Variants in CCDC148 observed in about 807,000 individuals in gnomAD.
The protein encoded by CCDC148 is coiled-coil domain-containing protein 148.
Under a neutral mutation model 85.7 loss-of-function variants are expected in CCDC148, and 89 were observed. The observed-to-expected ratio is 1.04, with a 90% CI of 0.87 to 1.24. The LOEUF (loss-of-function observed/expected upper bound fraction) is 1.24, where lower values mean the gene tolerates loss of function less well. Among genes scored for constraint, CCDC148 ranks in the 50% most tolerant of loss-of-function variants. CCDC148 has a pLI of 0.00. For synonymous variants in CCDC148, 230 were observed against 213.9 expected, an observed-to-expected ratio of 1.08 and a Z score of -0.66; for missense variants, 692 against 671.7, an observed-to-expected ratio of 1.03 and a Z score of -0.33.
At chr2:158,376,208 T>C (rs1035943696) in intron 1 of CCDC148, among the ~76,000 whole-genome samples, 2 of 152,124 alleles carry the variant, frequency 1.3e-5, no homozygotes, top group Non-Finnish European at 2.9e-5. Flanking sequence ...ATTTCCTGTC[T>C]TAAAACTCTA....
intron 2 of CCDC148, among the ~76,000 whole-genome samples, chr2:158,353,147 A>G (rs1378534399): frequency 2.7e-5 from 4 of 147,372 alleles, no homozygotes; most frequent in South Asian, 2.2e-4. Context: ...GACCATCGAG[A>G]CTAGGAAGAA....
chr2:158,351,811 G>A (rs905115111), intron 2 of CCDC148, among the ~76,000 whole-genome samples: 5 of 151,768 alleles, frequency 3.3e-5, no homozygotes, highest in African/African-American at 4.8e-5. Flanking sequence ...AACCTCTGCA[G>A]ACTTAAATGT....
At chr2:158,394,134 A>ACCAG (rs1324072265) in intron 1 of CCDC148, among the ~76,000 whole-genome samples, 5 of 152,200 alleles carry the variant, frequency 3.3e-5, no homozygotes, top group Admixed American at 6.6e-5. Flanking sequence ...ACCACTGTCC[A>ACCAG]TCAGTTTTGA....
intron 7 of CCDC148, among the ~76,000 whole-genome samples, chr2:158,322,866 A>C: frequency 1.3e-5 from 2 of 152,264 alleles, no homozygotes; most frequent in East Asian, 3.9e-4. Context: ...AACATTATAA[A>C]ATTTAATATA....
intron 11 of CCDC148, 62 bp downstream of exon 11, chr2:158,220,533 A>G: frequency 9.0e-7 from 1 of 1,106,554 alleles, no homozygotes; most frequent in Non-Finnish European, 1.3e-6. Context: ...ATTTATTCTA[A>G]CACTTTACAA....
intron 13 of CCDC148, among the ~76,000 whole-genome samples, chr2:158,175,029 G>A (rs933511143): frequency 3.3e-5 from 5 of 151,996 alleles, no homozygotes; most frequent in African/African-American, 1.2e-4. Context: ...ATGCTTTTCA[G>A]CGCCTGAACC....
intron 1 of CCDC148, among the ~76,000 whole-genome samples, chr2:158,399,561 C>T (rs759535283): frequency 9.9e-5 from 15 of 151,976 alleles, no homozygotes; most frequent in African/African-American, 2.4e-4. Flanking sequence ...AAAAGGCATT[C>T]GACAAAATTC....
chr2:158,301,001 C>T lies in CCDC148; in HGVS notation c.1110+8432G>A, dbSNP rs113530732. 3.7e-3 allele frequency among the ~76,000 whole-genome samples: 565 copies of T among 152,212 alleles called. 3 individuals carry two copies. The highest frequency in any genetic ancestry group is 0.02 in the Middle Eastern group (6 of 294). The stretch of plus-strand genomic sequence containing the variant: ...TCCTGAGTAGCTAGAACTACATGCA[C>T]GCACCACTACTCCTGGCTGTTTTTT... On this transcript the variant is annotated intron_variant, in intron 9 of 13. Coordinates refer to ENST00000283233, the MANE Select transcript of CCDC148 (RefSeq NM_138803.4).
chr2:158,267,996 G>A (rs1689542768), intron 9 of CCDC148, among the ~76,000 whole-genome samples: 1 of 152,162 alleles, frequency 6.6e-6, no homozygotes, highest in Non-Finnish European at 1.5e-5. Context: ...ACATTCATTA[G>A]TTGTAGGACG....
rs531408133 is a variant in CCDC148, at chr2:158,306,559, T to A, written c.1110+2874A>T. ...TGGATGAAGCTGGAAACCATCATTC[T>A]CAGCAAACTATCACAAGAACAAAAA... On this transcript the variant is annotated intron_variant, in intron 9 of 13. Transcript: ENST00000283233. Among the ~76,000 whole-genome samples the A allele has an allele frequency of 5.9e-5, 9 of 151,920 alleles. No individual in the cohort carries two copies. The East Asian group carries it at 1.7e-3, about 30-fold the overall frequency.
chr2:158,456,537 C>T lies in CCDC148; in HGVS notation c.-98G>A, dbSNP rs1559159253. 13 of 1,452,822 alleles carry T rather than the reference C, an allele frequency of 8.9e-6. No individual in the cohort carries two copies. Among genetic ancestry groups the T allele is most frequent in the Non-Finnish European group, 1.2e-5 (13 of 1,076,208 alleles). 90.0% of individuals were successfully genotyped at this position (1,452,822 alleles called of 1,614,324 possible). A position where few individuals can be genotyped will look rare whatever the true frequency, so the allele number is the denominator to read the frequency against. On this transcript the variant is annotated 5_prime_UTR_variant, in exon 1 of 14. Coordinates refer to ENST00000283233, the MANE Select transcript of CCDC148 (RefSeq NM_138803.4). ...TCGCCGTCAGGGGTACATCTAAGGGCTCAGCTGTTCCTACCTTTGACGCCA... is the reference window on the plus strand; with the variant it reads ...TCGCCGTCAGGGGTACATCTAAGGGTTCAGCTGTTCCTACCTTTGACGCCA...
At chr2:158,427,053 G>A (rs74319129) in intron 1 of CCDC148, among the ~76,000 whole-genome samples, 11,353 of 152,084 alleles carry the variant, frequency 0.075, 570 homozygotes, top group Middle Eastern at 0.11. Flanking sequence ...AATGAATAAA[G>A]GCTTTTGAAA....
chr2:158,311,253 C>T (rs1191545036), intron 8 of CCDC148, among the ~76,000 whole-genome samples: 2 of 152,190 alleles, frequency 1.3e-5, no homozygotes, highest in African/African-American at 2.4e-5. Flanking sequence ...GCAGATCACT[C>T]GAGGTCAGGA....
chr2:158,352,349 A>C (rs1683358818), intron 2 of CCDC148, among the ~76,000 whole-genome samples: 1 of 152,164 alleles, frequency 6.6e-6, no homozygotes, highest in Admixed American at 6.5e-5. Flanking sequence ...AAGAATGTAT[A>C]ACTAGAATAA....
chr2:158,279,640 C>T (rs1434034628), intron 9 of CCDC148, among the ~76,000 whole-genome samples: 1 of 152,200 alleles, frequency 6.6e-6, no homozygotes, highest in Non-Finnish European at 1.5e-5. Flanking sequence ...AAGACCAAAT[C>T]TACATCTGAT....
At position 158,352,447 on chromosome 2, in the gene CCDC148, A is replaced by G. The variant is rs531285430; in HGVS notation, c.147+6002T>C. The stretch of plus-strand genomic sequence containing the variant: ...GAAGAATGCAGAAGCCTCAGGAGCC[A>G]ATGCGATCAGCTGGAAGAAAGGGTA... On this transcript the variant is annotated intron_variant, in intron 2 of 13. Coordinates refer to ENST00000283233, the MANE Select transcript of CCDC148 (RefSeq NM_138803.4). Among the ~76,000 whole-genome samples the G allele has an allele frequency of 3.9e-3, 594 of 152,296 alleles. 3 individuals carry two copies. The highest frequency in any genetic ancestry group is 9.6e-3 in the African/African-American group (398 of 41,540).
chr2:158,234,987 GTGGAGGA>G (rs904360248), intron 10 of CCDC148, among the ~76,000 whole-genome samples: 4 of 152,122 alleles, frequency 2.6e-5, no homozygotes, highest in Non-Finnish European at 4.4e-5. Flanking sequence ...AGGGTGGAGG[GTGGAGGA>G]AAGAAAGGAT....
chr2:158,338,956 T>C (rs1682531971), intron 6 of CCDC148, 34 bp downstream of exon 6: 1 of 1,600,194 alleles, frequency 6.2e-7, no homozygotes, highest in Non-Finnish European at 8.5e-7. Context: ...GACAAATTGA[T>C]AAACACATAA....
At chr2:158,269,974 T>A (rs1439436923) in intron 9 of CCDC148, among the ~76,000 whole-genome samples, 1 of 152,194 alleles carries the variant, frequency 6.6e-6, no homozygotes, top group Non-Finnish European at 1.5e-5. Flanking sequence ...ATATTCTCTG[T>A]AAGGAACACA....
Sources: allele counts gnomAD v4.1 joint callset (sites outside exome capture counted in the v4.1 genomes callset), GRCh38; gene constraint gnomAD v4.1.1; transcripts MANE v1.5; gene names NCBI Gene and HGNC (gene_info 2026-07-23, HGNC 2026-07-21).